P2RY12: variants seen among roughly 807,000 people sequenced by gnomAD.
The protein encoded by P2RY12 is P2Y purinoceptor 12.
P2RY12 carries 3 observed loss-of-function variants against 4.5 expected under a neutral mutation model. That is an observed-to-expected ratio of 0.67 (90% CI 0.31 to 1.74). The LOEUF (loss-of-function observed/expected upper bound fraction) is 1.74, where lower values mean the gene tolerates loss of function less well. P2RY12 is among the 40% of genes most tolerant of loss of function. The probability of loss-of-function intolerance (pLI) is 0.09; values close to 1 mark genes in which losing one functional copy is unlikely to be tolerated. For missense variants in P2RY12, 356 were observed against 407.8 expected (o/e 0.87, Z 1.09); for synonymous variants, 148 against 154.1 (o/e 0.96, Z 0.29).
chr3:151,360,719 T>C, intron 1 of P2RY12: 1 of 970,448 alleles, frequency 1.0e-6, no homozygotes, highest in South Asian at 1.7e-5. Flanking sequence ...TTGTATCTAT[T>C]AGGCAGTAAT....
chr3:151,368,765 T>A (rs1163612432), intron 1 of P2RY12, among the ~76,000 whole-genome samples: 8 of 138,850 alleles, frequency 5.8e-5, no homozygotes, highest in South Asian at 4.6e-4. Context: ...ATTTCATTTT[T>A]TTTTTTTTTT....
At position 151,337,537 on chromosome 3, in the gene P2RY12, T is replaced by C. The variant is rs1250723605; in HGVS notation, c.*280A>G. On this transcript the variant is annotated 3_prime_UTR_variant, in exon 3 of 3. Coordinates refer to ENST00000302632, the MANE Select transcript of P2RY12 (RefSeq NM_022788.5). The stretch of plus-strand genomic sequence containing the variant: ...ATATGATTACTCATTTTGGCAAAAC[T>C]CTGCAAAACATGAATTCTGTGTAGT... 3.0e-6 allele frequency: 1 copy of C among 336,466 alleles called. No homozygotes were observed. The highest frequency in any genetic ancestry group is 2.1e-5 in the African/African-American group (1 of 46,774). The allele number at this position is 336,466 out of a possible 1,614,324, so 20.8% of individuals were successfully genotyped here. A position where few individuals can be genotyped will look rare whatever the true frequency, so the allele number is the denominator to read the frequency against.
intron 1 of P2RY12, chr3:151,383,990 T>A: frequency 6.7e-7 from 1 of 1,487,942 alleles, no homozygotes; most frequent in African/African-American, 1.4e-5. Flanking sequence ...ACTTGGATGC[T>A]ATTAAAAATT....
chr3:151,380,524 G>A (rs1317401670), intron 1 of P2RY12, among the ~76,000 whole-genome samples: 2 of 151,538 alleles, frequency 1.3e-5, no homozygotes, highest in South Asian at 2.1e-4. Flanking sequence ...TTGAACCTGG[G>A]AGGCAGAGGC....
intron 1 of P2RY12, chr3:151,365,877 T>A: frequency 6.2e-7 from 1 of 1,611,504 alleles, no homozygotes; most frequent in Non-Finnish European, 8.5e-7. Context: ...ATTTCTCCTC[T>A]GAGCTTACGG....
At chr3:151,370,973 C>T (rs1050905693) in intron 1 of P2RY12, among the ~76,000 whole-genome samples, 4 of 152,176 alleles carry the variant, frequency 2.6e-5, no homozygotes, top group African/African-American at 4.8e-5. Flanking sequence ...GTCAGTTTAA[C>T]GTCAGCAGAG....
chr3:151,367,535 A>G (rs764481483), intron 1 of P2RY12: 19 of 911,060 alleles, frequency 2.1e-5, no homozygotes, highest in Middle Eastern at 3.0e-4. Flanking sequence ...CTGCTGGTTC[A>G]TGTTGGGATT....
chr3:151,345,662 C>T (rs1426911594), intron 1 of P2RY12, among the ~76,000 whole-genome samples: 1 of 151,686 alleles, frequency 6.6e-6, no homozygotes, highest in Non-Finnish European at 1.5e-5. Flanking sequence ...AAATTATAGG[C>T]ACCTGCCACC....
chr3:151,342,326 G>C (rs548682066), intron 1 of P2RY12, among the ~76,000 whole-genome samples: 1 of 152,322 alleles, frequency 6.6e-6, no homozygotes, highest in South Asian at 2.1e-4. Flanking sequence ...TTATCAGTGG[G>C]AATCATTTGT....
At chr3:151,377,923 A>G (rs1229303472) in intron 1 of P2RY12, 3 of 1,322,990 alleles carry the variant, frequency 2.3e-6, no homozygotes, top group East Asian at 2.5e-5. Context: ...TGTCTCATAC[A>G]TCAAAGTTTC....
intron 1 of P2RY12, chr3:151,365,805 T>C (rs1365474985): frequency 1.7e-5 from 25 of 1,513,082 alleles, no homozygotes; most frequent in Non-Finnish European, 2.1e-5. Flanking sequence ...TGAGTATTTC[T>C]CTTTTGTACA....
intron 1 of P2RY12, chr3:151,377,228 A>G (rs1202850407): frequency 6.6e-7 from 1 of 1,506,454 alleles, no homozygotes; most frequent in Non-Finnish European, 9.0e-7. Flanking sequence ...TTCACAAGTA[A>G]CGGTAAATTT....
chr3:151,367,470 T>C (rs1378050464), intron 1 of P2RY12, among the ~76,000 whole-genome samples: 3 of 152,250 alleles, frequency 2.0e-5, no homozygotes, highest in African/African-American at 7.2e-5. Context: ...TTCATTGTTT[T>C]ATAAAATAGA....
At position 151,355,289 on chromosome 3, in the gene P2RY12, TAAA is replaced by T. The variant is rs200915197; in HGVS notation, c.-179-14532_-179-14530del. 1,014 of 1,358,084 alleles carry T rather than the reference TAAA, an allele frequency of 7.5e-4. 13 individuals carry two copies. The East Asian group carries it at 0.02, about 27-fold the overall frequency. 84.1% of individuals were successfully genotyped at this position (1,358,084 alleles called of 1,614,324 possible). A position where few individuals can be genotyped will look rare whatever the true frequency, so the allele number is the denominator to read the frequency against. ...TGCATTTGCAGTATTCTAATTTACTTAAAAATTTTTTTCATGCAGTATATTTTC... is the reference window on the plus strand; with the variant it reads ...TGCATTTGCAGTATTCTAATTTACTTAATTTTTTTCATGCAGTATATTTTC... On this transcript the variant is annotated intron_variant, in intron 1 of 2. Coordinates refer to ENST00000302632, the MANE Select transcript of P2RY12 (RefSeq NM_022788.5).
At chr3:151,339,680 T>C (rs1751549751) in intron 2 of P2RY12, among the ~76,000 whole-genome samples, 1 of 151,988 alleles carries the variant, frequency 6.6e-6, no homozygotes, top group Non-Finnish European at 1.5e-5. Context: ...CCTGTGTATA[T>C]ATGGTCATGA....
intron 1 of P2RY12, chr3:151,368,143 T>C (rs1348919584): frequency 6.2e-7 from 1 of 1,612,596 alleles, no homozygotes; most frequent in Non-Finnish European, 8.5e-7. Flanking sequence ...CAATCCCCCT[T>C]TCCTAGCTTG....
At chr3:151,344,363 C>T (rs1465354113) in intron 1 of P2RY12, among the ~76,000 whole-genome samples, 1 of 151,892 alleles carries the variant, frequency 6.6e-6, no homozygotes, top group Non-Finnish European at 1.5e-5. Context: ...CATGTGCACA[C>T]CCATTCTTCC....
chr3:151,355,058 C>A (rs1443034699), intron 1 of P2RY12: 4 of 1,165,112 alleles, frequency 3.4e-6, no homozygotes, highest in Non-Finnish European at 5.1e-6. Context: ...AAAAAGTATC[C>A]ATTAAAAATG....
chr3:151,365,548 T>A (rs973028488), intron 1 of P2RY12, among the ~76,000 whole-genome samples: 1 of 152,224 alleles, frequency 6.6e-6, no homozygotes, highest in Non-Finnish European at 1.5e-5. Flanking sequence ...TGTCTATAAA[T>A]TTTTTGATGC....
Sources: gnomAD v4.1 joint callset for allele counts (sites outside exome capture counted in the v4.1 genomes callset) on GRCh38, gnomAD v4.1.1 for gene constraint, MANE v1.5 for transcripts, NCBI Gene and HGNC (gene_info 2026-07-23, HGNC 2026-07-21) for gene names.